Variants in SPAG16 observed in about 807,000 individuals in gnomAD.
SPAG16 encodes the protein sperm-associated antigen 16 protein.
SPAG16 carries 86 observed loss-of-function variants against 80.4 expected under a neutral mutation model. The observed-to-expected ratio is 1.07, with a 90% confidence interval of 0.90 to 1.28. SPAG16 has a LOEUF of 1.28. Ranked by LOEUF, SPAG16 falls within the 50% of genes most tolerant of loss-of-function variation. The pLI, the probability that SPAG16 is intolerant of heterozygous loss-of-function variation, is 0.00. For missense variants in SPAG16, 870 were observed against 765.3 expected, an observed-to-expected ratio of 1.14 and a Z score of -1.61; for synonymous variants, 294 against 265.9, an observed-to-expected ratio of 1.11 and a Z score of -1.03.
rs538384034 is a variant in SPAG16 at position 214,162,697 on chromosome 2, A to G, written c.1720+13431A>G. On this transcript the variant is annotated intron_variant, in intron 15 of 15. Transcript: ENST00000331683. ...CATTGCCTGTTTCTGATCTAGCACA[A>G]TACTGTTTTTGTTGCCGTGATGTTC... is the stretch of plus-strand genomic sequence containing the variant. 9.2e-5 allele frequency among the ~76,000 whole-genome samples: 14 copies of G among 152,188 alleles called. No individual in the cohort carries two copies. In the East Asian group the frequency reaches 2.5e-3, roughly 27 times the overall value.
At chr2:213,913,579 G>A (rs1404713160) in intron 11 of SPAG16, among the ~76,000 whole-genome samples, 1 of 10,160 alleles carries the variant, frequency 9.8e-5, no homozygotes, top group Non-Finnish European at 3.6e-4. Context: ...GTATATATAT[G>A]TACATGTACA....
intron 15 of SPAG16, among the ~76,000 whole-genome samples, chr2:214,217,760 T>C (rs1375597089): frequency 6.6e-6 from 1 of 152,206 alleles, no homozygotes; most frequent in East Asian, 1.9e-4. Flanking sequence ...ATAAGAAGGC[T>C]AGTAGAATGA....
At chr2:213,353,424 C>G (rs185781915) in intron 7 of SPAG16, among the ~76,000 whole-genome samples, 1 of 152,302 alleles carries the variant, frequency 6.6e-6, no homozygotes, top group East Asian at 1.9e-4. Context: ...ACAGATATAC[C>G]TTTTTCAGTC....
At chr2:213,573,109 G>A (rs1412673703) in intron 10 of SPAG16, among the ~76,000 whole-genome samples, 2 of 152,126 alleles carry the variant, frequency 1.3e-5, no homozygotes, top group Admixed American at 6.5e-5. Context: ...CGCACGGTGC[G>A]CGCACCCACT....
intron 9 of SPAG16, among the ~76,000 whole-genome samples, chr2:213,461,944 G>T (rs912000341): frequency 6.6e-6 from 1 of 152,076 alleles, no homozygotes; most frequent in Non-Finnish European, 1.5e-5. Context: ...GTAGTATTCT[G>T]CTTACTAAAC....
At chr2:214,221,992 A>G (rs2058583507) in intron 15 of SPAG16, among the ~76,000 whole-genome samples, 1 of 151,880 alleles carries the variant, frequency 6.6e-6, no homozygotes, top group African/African-American at 2.4e-5. Flanking sequence ...AAATAAAAAT[A>G]TGTGTTTTTG....
chr2:213,720,325 TAAAGTA>T (rs1405313520), intron 10 of SPAG16, among the ~76,000 whole-genome samples: 1 of 151,588 alleles, frequency 6.6e-6, no homozygotes. Flanking sequence ...TCCCAGAACT[TAAAGTA>T]TAAGAAAAAA....
chr2:213,632,548 A>G (rs1451668967), intron 10 of SPAG16, among the ~76,000 whole-genome samples: 1 of 152,164 alleles, frequency 6.6e-6, no homozygotes, highest in Non-Finnish European at 1.5e-5. Context: ...GTTGTGCTCT[A>G]GATCTTAGAG....
At chr2:213,676,321 T>A (rs2064072919) in intron 10 of SPAG16, among the ~76,000 whole-genome samples, 1 of 152,140 alleles carries the variant, frequency 6.6e-6, no homozygotes, top group Non-Finnish European at 1.5e-5. Context: ...AATCATGTTG[T>A]CTGCAAACAG....
At chr2:214,253,444 G>A (rs902958706) in intron 15 of SPAG16, among the ~76,000 whole-genome samples, 9 of 151,954 alleles carry the variant, frequency 5.9e-5, no homozygotes, top group Admixed American at 1.3e-4. Context: ...TAGGTCTTAC[G>A]TTTAAGTCTT....
At chr2:214,279,953 A>G (rs929171587) in intron 15 of SPAG16, among the ~76,000 whole-genome samples, 8 of 152,208 alleles carry the variant, frequency 5.3e-5, no homozygotes, top group African/African-American at 1.9e-4. Context: ...CAAACATAGG[A>G]AAAACTAAGG....
intron 10 of SPAG16, among the ~76,000 whole-genome samples, chr2:213,502,673 C>T (rs926722312): frequency 3.9e-5 from 6 of 152,164 alleles, no homozygotes; most frequent in Non-Finnish European, 4.4e-5. Context: ...GAACCAATCA[C>T]GTTAAAGGCT....
chr2:213,777,481 A>G (rs1301797052), intron 10 of SPAG16, among the ~76,000 whole-genome samples: 1 of 151,370 alleles, frequency 6.6e-6, no homozygotes, highest in Non-Finnish European at 1.5e-5. Context: ...ATCTCCCCTT[A>G]CTGCAAGCTC....
At chr2:213,437,094 G>A (rs1428506156) in intron 9 of SPAG16, among the ~76,000 whole-genome samples, 2 of 151,976 alleles carry the variant, frequency 1.3e-5, no homozygotes, top group African/African-American at 2.4e-5. Context: ...TGTATTTTTA[G>A]CAGAGACAGG....
At chr2:213,284,679 G>C in intron 1 of SPAG16, 60 bp downstream of exon 1, 1 of 1,539,412 alleles carries the variant, frequency 6.5e-7, no homozygotes, top group Non-Finnish European at 8.7e-7. Flanking sequence ...TTGGGACGAA[G>C]GCGAGGGCCT....
intron 10 of SPAG16, among the ~76,000 whole-genome samples, chr2:213,703,385 C>T (rs1331348812): frequency 3.9e-5 from 6 of 152,170 alleles, no homozygotes; most frequent in Non-Finnish European, 5.9e-5. Context: ...TGTTGATTCT[C>T]CAGCGCAGAG....
intron 15 of SPAG16, among the ~76,000 whole-genome samples, chr2:214,337,756 G>A (rs1394689862): frequency 6.6e-6 from 1 of 152,202 alleles, no homozygotes; most frequent in Non-Finnish European, 1.5e-5. Context: ...TTCAGCCATA[G>A]TGGGAATATT....
chr2:213,306,304 T>G (rs938762381), intron 3 of SPAG16, among the ~76,000 whole-genome samples: 5 of 44,344 alleles, frequency 1.1e-4, no homozygotes, highest in African/African-American at 4.0e-4. Context: ...TATTGATCTA[T>G]TGTATTGTTT....
intron 10 of SPAG16, among the ~76,000 whole-genome samples, chr2:213,839,591 C>A (rs2074268348): frequency 6.6e-6 from 1 of 152,048 alleles, no homozygotes; most frequent in Admixed American, 6.6e-5. Context: ...TATTATGTAG[C>A]CAAAAACAAC....
Sources: allele counts gnomAD v4.1 joint callset (sites outside exome capture counted in the v4.1 genomes callset), GRCh38; gene constraint gnomAD v4.1.1; transcripts MANE v1.5; gene names NCBI Gene and HGNC (gene_info 2026-07-23, HGNC 2026-07-21).